The following NR1D1 variants were observed in gnomAD, a reference collection of about 807,000 sequenced individuals.
NR1D1 encodes the protein Rev-ErbAalpha.
Under a neutral mutation model 51.1 loss-of-function variants are expected in NR1D1, and 17 were observed. The ratio of observed to expected loss-of-function variants is 0.33; its 90% CI spans 0.23 to 0.50. NR1D1 has a LOEUF of 0.50. Ranked by LOEUF, NR1D1 falls within the 20% of genes least tolerant of loss-of-function variation. The pLI is 0.98. For synonymous variants in NR1D1, 341 were observed against 333.4 expected (o/e 1.02, Z -0.25); for missense variants, 647 against 830.4 (o/e 0.78, Z 2.71).
rs755224727 is a variant in NR1D1, at chr17:40,093,696, G to C, written c.1645+216C>G. 2.0e-5 allele frequency: 13 copies of C among 636,024 alleles called. No homozygotes were observed. Among genetic ancestry groups the C allele is most frequent in the Non-Finnish European group, 3.0e-5 (11 of 370,172 alleles). 39.4% of individuals were successfully genotyped at this position (636,024 alleles called of 1,614,324 possible). ...CTCCCCCAGGCAGAAATAGTTGTCT[G>C]TGCTTCCTTGGTTCATGCTTCTACT... On this transcript the variant is annotated intron_variant, in intron 7 of 7. Transcript: ENST00000246672. This position sits in a 1 kb window ranked among gnomAD's most constrained non-coding sequence, Gnocchi z 5.9.
rs1987856101 is a variant in NR1D1 at position 40,100,436 on chromosome 17, G to A, written c.-342C>T. 1 of 468,382 alleles carries A rather than the reference G, an allele frequency of 2.1e-6. No homozygotes were observed. The highest frequency in any genetic ancestry group is 3.8e-6 in the Non-Finnish European group (1 of 264,236). The allele number at this position is 468,382 out of a possible 1,614,324, so 29.0% of individuals were successfully genotyped here. A position where few individuals can be genotyped will look rare whatever the true frequency, so the allele number is the denominator to read the frequency against. On this transcript the variant is annotated 5_prime_UTR_variant, in exon 1 of 8. Transcript: ENST00000246672. The stretch of plus-strand genomic sequence containing the variant: ...TGCCTGCCGGCTCCGCAGCGCTGCG[G>A]GGTGGCGAATCTGGAGCTCCCGGTG...
chr17:40,099,278 G>C (rs1443790889), intron 1 of NR1D1, among the ~76,000 whole-genome samples: 1 of 152,238 alleles, frequency 6.6e-6, no homozygotes, highest in Non-Finnish European at 1.5e-5. Context: ...TCGTGGGCTG[G>C]ACCCCGAACG....
chr17:40,099,862 G>C (rs1397740788), intron 1 of NR1D1, among the ~76,000 whole-genome samples: 1 of 152,084 alleles, frequency 6.6e-6, no homozygotes, highest in Non-Finnish European at 1.5e-5. Context: ...GACTCTGAGG[G>C]GTGGTGATGG....
chr17:40,097,185 A>G lies in NR1D1; in HGVS notation c.250T>C (p.Ser84Pro). 6.2e-7 allele frequency: 1 copy of G among 1,611,714 alleles called. No homozygotes were observed. The highest frequency in any genetic ancestry group is 8.5e-7 in the Non-Finnish European group (1 of 1,178,450). The change falls in exon 2 of 8, where the codon TCA becomes CCA. Residue 84 changes from serine (S) to proline (P), a missense_variant. Around this residue, in one of 7 missense-constraint regions of NR1D1, gnomAD observed 98 missense variants for 94.7 expected, o/e 1.03. Transcript: ENST00000246672. The part of the protein sequence containing the change: ...SLSDDGSPSS[S>P]SSSSSSSSSF... ...GAGGAGGATGACGACGAGGAAGATGAGGAAGAAGGGGAGCCGTCATCACTC... is the reference window on the plus strand; with the variant it reads ...GAGGAGGATGACGACGAGGAAGATGGGGAAGAAGGGGAGCCGTCATCACTC...
chr17:40,098,692 GA>G (rs1322569647), intron 1 of NR1D1, among the ~76,000 whole-genome samples: 1 of 151,930 alleles, frequency 6.6e-6, no homozygotes, highest in African/African-American at 2.4e-5. Context: ...CTTTCTGTGA[GA>G]AAAAAAGGAC....
Position 40,096,529 on chromosome 17 carries a change from T to C in NR1D1, c.518A>G (p.Glu173Gly). Reference protein sequence around the residue: ...NIQYKRCLKNENCSIVRINRN... With the variant: ...NIQYKRCLKNGNCSIVRINRN... ...ATTGATGCGGACGATGGAGCAATTC[T>C]CATTCTTCAGACACCTTTTGTACTG... The change falls in exon 4 of 8, where the codon GAG becomes GGG. Residue 173 changes from glutamate to glycine, a missense_variant. Transcript: ENST00000246672. 1 of 1,614,214 alleles carries C rather than the reference T, an allele frequency of 6.2e-7. No individual in the cohort carries two copies. Among genetic ancestry groups the C allele is most frequent in the Non-Finnish European group, 8.5e-7 (1 of 1,180,030 alleles).
At position 40,093,881 on chromosome 17, in the gene NR1D1, C is replaced by T. The variant is rs1023644163; in HGVS notation, c.1645+31G>A. 3.8e-6 allele frequency: 6 copies of T among 1,592,910 alleles called. No homozygotes were observed. Among genetic ancestry groups the T allele is most frequent in the Non-Finnish European group, 5.1e-6 (6 of 1,169,614 alleles). On this transcript the variant is annotated intron_variant, in intron 7 of 7. Coordinates refer to ENST00000246672, the MANE Select transcript of NR1D1 (RefSeq NM_021724.5). This position sits in a 1 kb window ranked among gnomAD's most constrained non-coding sequence, Gnocchi z 5.9. ...TGTTGAATTGAACTGCGTCTGCCTC[C>T]TCCCCCGGGTCAGGCGAGAGCCTGA...
chr17:40,096,713 A>C lies in NR1D1; in HGVS notation c.437T>G (p.Val146Gly). 1 of 1,614,140 alleles carries C rather than the reference A, an allele frequency of 6.2e-7. No homozygotes were observed. Among genetic ancestry groups the C allele is most frequent in the Non-Finnish European group, 8.5e-7 (1 of 1,180,028 alleles). ...GDVASGFHYG[V>G]HACEGCKGFF... ...CACCTTGCAGCCCTCGCAGGCGTGC[A>C]CACCGTAGTGGAAGCCCGAGGCAAC... Residue 146 changes from valine (V) to glycine (G), a missense_variant, in exon 3 of 8, where the codon GTG (valine) becomes GGG (glycine). Around this residue, in one of 7 missense-constraint regions of NR1D1, gnomAD observed 70 missense variants for 134.8 expected, o/e 0.52. Transcript: ENST00000246672.
chr17:40,097,994 G>C lies in NR1D1; in HGVS notation c.32-591C>G, dbSNP rs569519192. On this transcript the variant is annotated intron_variant, in intron 1 of 7. Coordinates refer to ENST00000246672, the MANE Select transcript of NR1D1 (RefSeq NM_021724.5). ...GCCTGGTTCCCCTGGCCTCTTAAGA[G>C]AGTGAGCCACAGTGGAGTCTATCCC... Among the ~76,000 whole-genome samples, 108 of 152,348 alleles carry C rather than the reference G, an allele frequency of 7.1e-4. 1 individual carries two copies. The highest frequency in any genetic ancestry group is 3.4e-3 in the Middle Eastern group (1 of 294).
At position 40,094,120 on chromosome 17, in the gene NR1D1, C is replaced by CA; in HGVS notation, c.1436dup (p.Leu480AlafsTer175). 6.2e-7 allele frequency: 1 copy of CA among 1,613,858 alleles called. No homozygotes were observed. Among genetic ancestry groups the CA allele is most frequent in the Non-Finnish European group, 8.5e-7 (1 of 1,179,988 alleles). On this transcript the variant is annotated frameshift_variant and splice_region_variant, in exon 7 of 8. Transcript: ENST00000246672. LOFTEE classifies it high-confidence loss of function. Reference sequence around the variant, plus strand: ...ACAACGAAGCAAAGCGCACCATCAGCACCTAGGAGGGAAGGGGAACAGTCA... The same window carrying CA: ...ACAACGAAGCAAAGCGCACCATCAGCAACCTAGGAGGGAAGGGGAACAGTCA...
Position 40,093,362 on chromosome 17 carries a change from G to A in NR1D1, c.1646-80C>T, listed in dbSNP as rs1987663928. 6.2e-7 allele frequency: 1 copy of A among 1,611,938 alleles called. No individual in the cohort carries two copies. Among genetic ancestry groups the A allele is most frequent in the South Asian group, 1.1e-5 (1 of 90,988 alleles). On this transcript the variant is annotated intron_variant, in intron 7 of 7. Transcript: ENST00000246672. The surrounding 1 kb of genome is among the most constrained non-coding windows in gnomAD (Gnocchi z 5.9). ...ACCGGAGGTCTGCGAGGACCTGGCA[G>A]GCAATGCAGCCTCTCCCTGAAGCCC...
In NR1D1 at chr17:40,095,611, C is replaced by T. The variant is rs1455434079; in HGVS notation, c.1081G>A (p.Ala361Thr). 1 of 1,611,480 alleles carries T rather than the reference C, an allele frequency of 6.2e-7. No homozygotes were observed. The change falls in exon 5 of 8, where the codon GCT becomes ACT. Residue 361 changes from alanine to threonine, a missense_variant. By Grantham distance (58) the Ala-to-Thr change is moderately conservative. Transcript: ENST00000246672. ...CAGGTGGGAGGGTAGGAGGAGGGAG[C>T]CTGGCGCAGACCATTTAGGGCCTCG... ...HNEALNGLRQ[A>T]PSSYPPTWPP...
chr17:40,092,937 C>T lies in NR1D1; in HGVS notation c.*146G>A. On this transcript the variant is annotated 3_prime_UTR_variant, in exon 8 of 8. Transcript: ENST00000246672. ...GGAGGCAGGTATTTACAAGAAGGCT[C>T]AGGGGGCCAGAGGCTCATCTTGGAA... The T allele has an allele frequency of 6.5e-7, 1 of 1,528,214 alleles. No individual in the cohort carries two copies. Among genetic ancestry groups the T allele is most frequent in the South Asian group, 1.3e-5 (1 of 77,814 alleles). The allele number at this position is 1,528,214 out of a possible 1,614,324, so 94.7% of individuals were successfully genotyped here.
In NR1D1 at chr17:40,097,194, G is replaced by A; in HGVS notation, c.241C>T (p.Pro81Ser). 6.2e-7 allele frequency: 1 copy of A among 1,611,880 alleles called. No individual in the cohort carries two copies. The highest frequency in any genetic ancestry group is 8.5e-7 in the Non-Finnish European group (1 of 1,178,516). The change falls in exon 2 of 8, where the codon CCT (proline) becomes TCT (serine). Residue 81 changes from proline to serine, a missense_variant. Transcript: ENST00000246672. Reference sequence around the variant, plus strand: ...GACGACGAGGAAGATGAGGAAGAAGGGGAGCCGTCATCACTCAGGCTGGGT... The same window carrying A: ...GACGACGAGGAAGATGAGGAAGAAGAGGAGCCGTCATCACTCAGGCTGGGT... ...IPPSLSDDGSPSSSSSSSSSS... is the reference protein window; with the variant it reads ...IPPSLSDDGSSSSSSSSSSSS...
At chr17:40,097,578 T>TG (rs1256906521) in intron 1 of NR1D1, among the ~76,000 whole-genome samples, 175 bp from the exon 2 acceptor site, 1 of 152,210 alleles carries the variant, frequency 6.6e-6, no homozygotes, top group African/African-American at 2.4e-5. Flanking sequence ...AGACATGGCA[T>TG]GGCCAAGCAA....
chr17:40,093,935 G>A lies in NR1D1; in HGVS notation c.1622C>T (p.Thr541Ile). 2 of 1,613,648 alleles carry A rather than the reference G, an allele frequency of 1.2e-6. No homozygotes were observed. The highest frequency in any genetic ancestry group is 1.7e-6 in the Non-Finnish European group (2 of 1,180,038). The change falls in exon 7 of 8, where the codon ACC becomes ATC. Residue 541 changes from threonine (T) to isoleucine (I), a missense_variant. By Grantham distance (89) the Thr-to-Ile change is moderately conservative. Transcript: ENST00000246672. This position sits in a 1 kb window ranked among gnomAD's most constrained non-coding sequence, Gnocchi z 5.9. ...ALTEEELGLF[T>I]AVVLVSADRS... ...ACCTGCAGAGACAAGCACCACCGCGGTGAAGAGGCCCAGCTCCTCCTCGGT... is the reference window on the plus strand; with the variant it reads ...ACCTGCAGAGACAAGCACCACCGCGATGAAGAGGCCCAGCTCCTCCTCGGT...
rs1205273455 is a variant in NR1D1, at chr17:40,093,605, T to C, written c.1645+307A>G. Reference sequence around the variant, plus strand: ...CTCTGCCTGGGATGCCCTTCCCCCTTTCTCTGCCTGGCAACATCTTACTTG... The same window carrying C: ...CTCTGCCTGGGATGCCCTTCCCCCTCTCTCTGCCTGGCAACATCTTACTTG... On this transcript the variant is annotated intron_variant, in intron 7 of 7. Transcript: ENST00000246672. The surrounding 1 kb of genome is among the most constrained non-coding windows in gnomAD (Gnocchi z 5.9). 1.3e-6 allele frequency: 1 copy of C among 743,190 alleles called. No homozygotes were observed. The highest frequency in any genetic ancestry group is 1.8e-5 in the African/African-American group (1 of 56,412). The allele number at this position is 743,190 out of a possible 1,614,324, so 46.0% of individuals were successfully genotyped here.
intron 1 of NR1D1, among the ~76,000 whole-genome samples, chr17:40,098,389 C>G (rs1047372272): frequency 6.6e-6 from 1 of 152,140 alleles, no homozygotes; most frequent in Non-Finnish European, 1.5e-5. Context: ...CAGGGCGGCC[C>G]TAAAATAGCT....
chr17:40,093,615 G>A lies in NR1D1; in HGVS notation c.1645+297C>T, dbSNP rs1987674742. ...GATGCCCTTCCCCCTTTCTCTGCCTGGCAACATCTTACTTGTCCTTTGAGG... is the reference window on the plus strand; with the variant it reads ...GATGCCCTTCCCCCTTTCTCTGCCTAGCAACATCTTACTTGTCCTTTGAGG... On this transcript the variant is annotated intron_variant, in intron 7 of 7. Coordinates refer to ENST00000246672, the MANE Select transcript of NR1D1 (RefSeq NM_021724.5). This position sits in a 1 kb window ranked among gnomAD's most constrained non-coding sequence, Gnocchi z 5.9. 2.8e-6 allele frequency: 2 copies of A among 711,372 alleles called. No homozygotes were observed. Among genetic ancestry groups the A allele is most frequent in the African/African-American group, 3.6e-5 (2 of 55,782 alleles). 44.1% of individuals were successfully genotyped at this position (711,372 alleles called of 1,614,324 possible).
Sources: allele counts gnomAD v4.1 joint callset (sites outside exome capture counted in the v4.1 genomes callset), GRCh38; gene constraint gnomAD v4.1.1; regional missense constraint gnomAD v4.1.1; non-coding constraint Gnocchi (gnomAD v3.1); transcripts MANE v1.5; gene names NCBI Gene and HGNC (gene_info 2026-07-23, HGNC 2026-07-21).